SPRED1: variants seen among roughly 807,000 people sequenced by gnomAD.
SPRED1 encodes sprouty-related, EVH1 domain-containing protein 1.
Under a neutral mutation model 52.3 loss-of-function variants are expected in SPRED1, and 18 were observed. The observed-to-expected ratio is 0.34, with a 90% CI of 0.24 to 0.51. The LOEUF (loss-of-function observed/expected upper bound fraction) is 0.51, where lower values mean the gene tolerates loss of function less well. Ranked by LOEUF, SPRED1 falls within the 20% of genes least tolerant of loss-of-function variation. The probability of loss-of-function intolerance (pLI) is 0.97; values close to 1 mark genes in which losing one functional copy is unlikely to be tolerated. For synonymous variants in SPRED1, 155 were observed against 179.7 expected (o/e 0.86, Z 1.10); for missense variants, 485 against 551.0 (o/e 0.88, Z 1.20).
At chr15:38,258,791 T>A (rs1345825454) in intron 1 of SPRED1, among the ~76,000 whole-genome samples, 1 of 152,206 alleles carries the variant, frequency 6.6e-6, no homozygotes, top group Admixed American at 6.5e-5. Context: ...AAATAGAATT[T>A]AAGTGCTCAT....
In SPRED1 at chr15:38,252,966, C is replaced by T; in HGVS notation, c.-220C>T. The T allele has an allele frequency of 3.3e-6, 2 of 599,278 alleles. No individual in the cohort carries two copies. The highest frequency in any genetic ancestry group is 3.9e-5 in the South Asian group (2 of 50,846). 37.1% of individuals were successfully genotyped at this position (599,278 alleles called of 1,614,324 possible). ...CTGAGGCGGGGGAAGAGGCTGGGGT[C>T]GCCACGGCGGAGGTTGCTGCCGCCA... is the stretch of plus-strand genomic sequence containing the variant. On this transcript the variant is annotated 5_prime_UTR_variant, in exon 1 of 7. Transcript: ENST00000299084.
chr15:38,336,429 TATATATA>T (rs1895920473), intron 4 of SPRED1, among the ~76,000 whole-genome samples: 2 of 53,522 alleles, frequency 3.7e-5, no homozygotes, highest in Admixed American at 2.4e-4. Flanking sequence ...TGTGTATATA[TATATATA>T]ATATTATATA....
chr15:38,340,585 T>G (rs1288722479), intron 5 of SPRED1, among the ~76,000 whole-genome samples: 1 of 152,022 alleles, frequency 6.6e-6, no homozygotes, highest in African/African-American at 2.4e-5. Context: ...CAGGCTGGAG[T>G]GCAGTGGCAT....
chr15:38,335,061 T>C (rs1341704224), intron 4 of SPRED1, among the ~76,000 whole-genome samples: 1 of 152,114 alleles, frequency 6.6e-6, no homozygotes, highest in Non-Finnish European at 1.5e-5. Flanking sequence ...TTTAATTGAA[T>C]GGTCAGTATG....
At position 38,351,408 on chromosome 15, in the gene SPRED1, A is replaced by C; in HGVS notation, c.1079A>C (p.Lys360Thr). Residue 360 changes from lysine (K) to threonine (T), a missense_variant, in exon 7 of 7, where the codon AAA becomes ACA. Physicochemically the swap from Lys to Thr is moderately conservative, Grantham distance 78 (BLOSUM62 -1). Transcript: ENST00000299084. The stretch of plus-strand genomic sequence containing the variant: ...TGTCAGGATGCTCCAGACCCTATTA[A>C]AAGATGCATATATCAAGTTAGTTGC... ...GKCQDAPDPI[K>T]RCIYQVSCML... 6.2e-7 allele frequency: 1 copy of C among 1,614,176 alleles called. No homozygotes were observed. The highest frequency in any genetic ancestry group is 8.5e-7 in the Non-Finnish European group (1 of 1,180,024).
chr15:38,298,570 A>G (rs8036280), intron 1 of SPRED1: 258,223 of 301,170 alleles, frequency 0.86, 111,771 homozygotes, highest in Non-Finnish European at 0.9. Context: ...AGACAAAAAG[A>G]GTACAAATGG....
chr15:38,308,531 G>A (rs1895297956), intron 2 of SPRED1, among the ~76,000 whole-genome samples: 1 of 152,074 alleles, frequency 6.6e-6, no homozygotes, highest in Non-Finnish European at 1.5e-5. Flanking sequence ...CCACTATTTT[G>A]TTCTCTCAAT....
chr15:38,255,309 G>C (rs1384780137), intron 1 of SPRED1, among the ~76,000 whole-genome samples: 1 of 151,962 alleles, frequency 6.6e-6, no homozygotes, highest in Admixed American at 6.6e-5. Context: ...TACTTAGTAT[G>C]GGACAACTTG....
chr15:38,353,841 C>T lies in SPRED1; in HGVS notation c.*2177C>T, dbSNP rs1367933220. Reference sequence around the variant, plus strand: ...TACTTCTGGGAGGAACAAATTTAATCATTTCTTCTGTTAAGCACTAATCAG... The same window carrying T: ...TACTTCTGGGAGGAACAAATTTAATTATTTCTTCTGTTAAGCACTAATCAG... On this transcript the variant is annotated 3_prime_UTR_variant, in exon 7 of 7. Transcript: ENST00000299084. The T allele has an allele frequency of 6.6e-6, 1 of 152,514 alleles. No homozygotes were observed. Among genetic ancestry groups the T allele is most frequent in the Non-Finnish European group, 1.5e-5 (1 of 67,966 alleles). 9.4% of individuals were successfully genotyped at this position (152,514 alleles called of 1,614,324 possible).
intron 2 of SPRED1, among the ~76,000 whole-genome samples, chr15:38,319,416 G>A (rs992252790): frequency 2.6e-5 from 4 of 152,270 alleles, no homozygotes; most frequent in Non-Finnish European, 5.9e-5. Flanking sequence ...TTTTACTCTT[G>A]CTGCCTAGGC....
At chr15:38,266,428 T>C (rs2140952965) in intron 1 of SPRED1, among the ~76,000 whole-genome samples, 1 of 152,174 alleles carries the variant, frequency 6.6e-6, no homozygotes, top group Non-Finnish European at 1.5e-5. Context: ...TTGCCTGTGC[T>C]CAGGAGTTGG....
chr15:38,340,235 T>G (rs979695862), intron 5 of SPRED1, among the ~76,000 whole-genome samples: 3 of 152,228 alleles, frequency 2.0e-5, no homozygotes, highest in Non-Finnish European at 2.9e-5. Context: ...TTTATTAGAT[T>G]AAGAATAACC....
intron 4 of SPRED1, among the ~76,000 whole-genome samples, chr15:38,327,773 C>G (rs1476039933): frequency 6.6e-6 from 1 of 152,204 alleles, no homozygotes; most frequent in Non-Finnish European, 1.5e-5. Context: ...TTCTGACTTA[C>G]AGAAACTATG....
intron 1 of SPRED1, among the ~76,000 whole-genome samples, chr15:38,294,309 A>G (rs1399695065): frequency 1.3e-5 from 2 of 152,188 alleles, no homozygotes; most frequent in East Asian, 3.8e-4. Context: ...TACAAATCTT[A>G]AGGCATTGTA....
At chr15:38,269,893 A>G (rs928007504) in intron 1 of SPRED1, among the ~76,000 whole-genome samples, 3 of 141,036 alleles carry the variant, frequency 2.1e-5, no homozygotes, top group African/African-American at 7.9e-5. Flanking sequence ...AATCTGGAGC[A>G]TTTCTTTCTT....
rs1186657394 is a variant in SPRED1, at chr15:38,349,432, G to C, written c.593G>C (p.Gly198Ala). The C allele has an allele frequency of 1.9e-6, 3 of 1,611,506 alleles. No individual in the cohort carries two copies. Among genetic ancestry groups the C allele is most frequent in the Middle Eastern group, 1.7e-4 (1 of 6,044 alleles). The change falls in exon 6 of 7, where the codon GGT (glycine) becomes GCT (alanine). Residue 198 changes from glycine to alanine, a missense_variant. Around this residue, in one of 5 missense-constraint regions of SPRED1, gnomAD observed 232 missense variants for 231.8 expected, o/e 1.00. Transcript: ENST00000299084. Reference protein sequence around the residue: ...MQSQANQITFGQPGLDIQSRS... With the variant: ...MQSQANQITFAQPGLDIQSRS... ...TTGTTTGTATTTTAGATAACATTTG[G>C]TCAGCCAGGCTTGGACATTCAGAGC...
At chr15:38,303,987 C>G (rs1357385) in intron 2 of SPRED1, among the ~76,000 whole-genome samples, 139,444 of 152,220 alleles carry the variant, frequency 0.92, 65,106 homozygotes, top group East Asian at 1. Flanking sequence ...ATTAGGTTGT[C>G]GATAAAATTG....
chr15:38,294,736 C>T (rs1894998264), intron 1 of SPRED1, among the ~76,000 whole-genome samples: 1 of 152,158 alleles, frequency 6.6e-6, no homozygotes, highest in African/African-American at 2.4e-5. Flanking sequence ...ATTTAGGAAA[C>T]TGATCTGAGC....
chr15:38,316,159 C>T (rs1276848953), intron 2 of SPRED1, among the ~76,000 whole-genome samples: 1 of 151,938 alleles, frequency 6.6e-6, no homozygotes, highest in Non-Finnish European at 1.5e-5. Flanking sequence ...TTGTTAAACA[C>T]CTTCTTCCGC....
Sources: gnomAD v4.1 joint callset for allele counts (sites outside exome capture counted in the v4.1 genomes callset) on GRCh38, gnomAD v4.1.1 for gene constraint, gnomAD v4.1.1 regional missense constraint, MANE v1.5 for transcripts, NCBI Gene and HGNC (gene_info 2026-07-23, HGNC 2026-07-21) for gene names.